The following RBFOX1 variants were observed in gnomAD, a reference collection of about 807,000 sequenced individuals.
The protein encoded by RBFOX1 is RNA binding fox-1 homolog 1.
In RBFOX1, 8 loss-of-function variants were observed where a neutral mutation model predicts 57.7. The ratio of observed to expected loss-of-function variants is 0.14; its 90% confidence interval spans 0.08 to 0.25. RBFOX1 has a LOEUF of 0.25. Among genes scored for constraint, RBFOX1 ranks in the 10% least tolerant of loss-of-function variants. The pLI is 1.00. For missense variants in RBFOX1, 611 were observed against 548.5 expected, an observed-to-expected ratio of 1.11 and a Z score of -1.14; for synonymous variants, 326 against 222.4, an observed-to-expected ratio of 1.47 and a Z score of -4.15.
chr16:6,912,283 T>C (rs966273101), intron 3 of RBFOX1, among the ~76,000 whole-genome samples: 1 of 152,196 alleles, frequency 6.6e-6, no homozygotes, highest in Non-Finnish European at 1.5e-5. Flanking sequence ...AAGGTTGCTG[T>C]GCTCAGCCCC....
chr16:7,306,219 G>A (rs2096181215), intron 4 of RBFOX1, among the ~76,000 whole-genome samples: 3 of 151,864 alleles, frequency 2.0e-5, no homozygotes, highest in South Asian at 4.2e-4. Context: ...TTTTAAATTG[G>A]CTTACTCATT....
In RBFOX1 at chr16:6,019,796, C is replaced by T; in HGVS notation, c.-323C>T. 2 of 1,480,666 alleles carry T rather than the reference C, an allele frequency of 1.4e-6. No individual in the cohort carries two copies. Among genetic ancestry groups the T allele is most frequent in the South Asian group, 1.3e-5 (1 of 77,822 alleles). The allele number at this position is 1,480,666 out of a possible 1,614,324, so 91.7% of individuals were successfully genotyped here. A position where few individuals can be genotyped will look rare whatever the true frequency, so the allele number is the denominator to read the frequency against. The stretch of plus-strand genomic sequence containing the variant: ...CCGCCAGGGTCCCCGCCTGTCCGGA[C>T]CCTCGCCGCGCCCAGGCAGGCGCGC... On this transcript the variant is annotated 5_prime_UTR_variant, in exon 1 of 16. Coordinates refer to ENST00000550418, the MANE Select transcript of RBFOX1 (RefSeq NM_018723.4). The surrounding 1 kb of genome is among the most constrained non-coding windows in gnomAD (Gnocchi z 4.2).
chr16:6,732,480 T>C (rs912940017), intron 3 of RBFOX1, among the ~76,000 whole-genome samples: 4 of 152,168 alleles, frequency 2.6e-5, no homozygotes, highest in African/African-American at 9.7e-5. Context: ...ATTCATTGAG[T>C]ATCTCTTCCA....
chr16:7,323,995 T>A (rs2096578923), intron 4 of RBFOX1, among the ~76,000 whole-genome samples: 1 of 152,198 alleles, frequency 6.6e-6, no homozygotes, highest in African/African-American at 2.4e-5. Context: ...AAAGTCTGGA[T>A]CAAACAAGAT....
intron 4 of RBFOX1, among the ~76,000 whole-genome samples, chr16:5,883,490 G>A (rs1156406014): frequency 6.7e-6 from 1 of 148,928 alleles, no homozygotes; most frequent in African/African-American, 2.5e-5. Context: ...AAACTGTCTC[G>A]GAGGAACCTG....
intron 3 of RBFOX1, chr16:5,610,634 G>A (rs1187279437): frequency 2.0e-5 from 3 of 152,120 alleles, no homozygotes; most frequent in African/African-American, 4.8e-5. Flanking sequence ...TTCAGGCCAG[G>A]AGTTTGAGAT....
At chr16:5,589,640 C>G (rs1170527125) in intron 2 of RBFOX1, among the ~76,000 whole-genome samples, 1 of 152,184 alleles carries the variant, frequency 6.6e-6, no homozygotes, top group African/African-American at 2.4e-5. Flanking sequence ...GGCCAGTTCT[C>G]CAGGATGTGT....
intron 3 of RBFOX1, among the ~76,000 whole-genome samples, chr16:5,616,964 G>T (rs768489873): frequency 2.1e-5 from 3 of 146,014 alleles, no homozygotes; most frequent in African/African-American, 7.6e-5. Context: ...CTTATTGGCA[G>T]TACCCTTATT....
intron 2 of RBFOX1, among the ~76,000 whole-genome samples, chr16:6,537,066 T>C (rs1333575985): frequency 6.6e-6 from 1 of 152,156 alleles, no homozygotes; most frequent in East Asian, 1.9e-4. Context: ...TCAGCTCTGG[T>C]ATAGGAAACA....
chr16:6,896,345 A>G (rs79138595), intron 3 of RBFOX1, among the ~76,000 whole-genome samples: 1 of 152,216 alleles, frequency 6.6e-6, no homozygotes, highest in African/African-American at 2.4e-5. Flanking sequence ...TAAAATTACT[A>G]CTGAGTATAG....
intron 3 of RBFOX1, among the ~76,000 whole-genome samples, chr16:6,910,733 A>G (rs1281443100): frequency 6.6e-6 from 1 of 152,198 alleles, no homozygotes; most frequent in East Asian, 1.9e-4. Context: ...TTCCTAAAGT[A>G]GCGGAGAGGA....
At chr16:7,062,757 T>C (rs552280165) in intron 4 of RBFOX1, among the ~76,000 whole-genome samples, 39 of 152,240 alleles carry the variant, frequency 2.6e-4, no homozygotes, top group Non-Finnish European at 4.7e-4. Flanking sequence ...TCGGTAGTGA[T>C]ATTCTGGTGA....
At chr16:6,545,264 C>T (rs1464512532) in intron 2 of RBFOX1, among the ~76,000 whole-genome samples, 1 of 152,154 alleles carries the variant, frequency 6.6e-6, no homozygotes, top group Admixed American at 6.5e-5. Context: ...TTTTAATATT[C>T]AAAACAGGTT....
chr16:7,058,022 A>AAAAAC (rs1555829769), intron 4 of RBFOX1, among the ~76,000 whole-genome samples: 6 of 150,420 alleles, frequency 4.0e-5, no homozygotes, highest in Non-Finnish European at 7.4e-5. Context: ...AAAAAAAAAA[A>AAAAAC]CACGAAAACC....
rs1316776668 is a variant in RBFOX1 at position 5,890,213 on chromosome 16, C to G, written c.351+22878C>G. ...TACTGTACCTCTTTAAGCCTCTTGT[C>G]CTCACCTATGATAATAATATCTAAT... is the stretch of plus-strand genomic sequence containing the variant. On this transcript the variant is annotated intron_variant, in intron 4 of 19. Transcript: ENST00000641259. Among the ~76,000 whole-genome samples the G allele has an allele frequency of 3.9e-5, 6 of 152,152 alleles. No individual in the cohort carries two copies. The East Asian group carries it at 1.2e-3, about 29-fold the overall frequency.
intron 1 of RBFOX1, among the ~76,000 whole-genome samples, chr16:5,267,607 A>G (rs1342744598): frequency 6.6e-6 from 1 of 152,056 alleles, no homozygotes; most frequent in Non-Finnish European, 1.5e-5. Flanking sequence ...CCCACACATA[A>G]GGTTTGAGTT....
At chr16:7,109,599 A>C (rs2064267798) in intron 4 of RBFOX1, among the ~76,000 whole-genome samples, 2 of 152,142 alleles carry the variant, frequency 1.3e-5, no homozygotes, top group South Asian at 4.1e-4. Context: ...CAACCCAGGG[A>C]TCACAAGCCC....
At chr16:6,692,236 T>G (rs1156963012) in intron 3 of RBFOX1, among the ~76,000 whole-genome samples, 1 of 152,144 alleles carries the variant, frequency 6.6e-6, no homozygotes, top group Non-Finnish European at 1.5e-5. Flanking sequence ...CTCAGTGACC[T>G]CCCTGTAAGA....
chr16:5,820,251 G>A (rs1050899888), intron 3 of RBFOX1, among the ~76,000 whole-genome samples: 2 of 152,104 alleles, frequency 1.3e-5, no homozygotes, highest in Non-Finnish European at 1.5e-5. Flanking sequence ...TCTCTTAACC[G>A]CCATGCTACA....
Sources: gnomAD v4.1 joint callset for allele counts (sites outside exome capture counted in the v4.1 genomes callset) on GRCh38, gnomAD v4.1.1 for gene constraint, Gnocchi (gnomAD v3.1) non-coding constraint, MANE v1.5 for transcripts, NCBI Gene and HGNC (gene_info 2026-07-23, HGNC 2026-07-21) for gene names.